SGCZ: variants seen among roughly 807,000 people sequenced by gnomAD.
The protein encoded by SGCZ is zeta-sarcoglycan.
In SGCZ, 40 loss-of-function variants were observed where a neutral mutation model predicts 41.3. The observed-to-expected ratio is 0.97, with a 90% CI of 0.75 to 1.26. The LOEUF (loss-of-function observed/expected upper bound fraction) is 1.26. SGCZ is among the 50% of genes most tolerant of loss of function. The pLI is 0.00. For synonymous variants in SGCZ, 206 were observed against 137.5 expected (o/e 1.50, Z -3.49); for missense variants, 552 against 369.8 (o/e 1.49, Z -4.04).
In SGCZ at chr8:15,045,838, C is replaced by A. The variant is rs75714138; in HGVS notation, c.39+191747G>T. Among the ~76,000 whole-genome samples, 625 of 152,154 alleles carry A rather than the reference C, an allele frequency of 4.1e-3. 3 individuals are homozygous for A. Among genetic ancestry groups the A allele is most frequent in the South Asian group, 0.012 (56 of 4,820 alleles). On this transcript the variant is annotated intron_variant, in intron 1 of 7. Coordinates refer to ENST00000382080, the MANE Select transcript of SGCZ (RefSeq NM_139167.4). The stretch of plus-strand genomic sequence containing the variant: ...GACACCATCCAATCAAACAGACTCT[C>A]ACTGGCTAAGGGGAAACAAAATTGG...
At chr8:14,701,946 A>G (rs999024053) in intron 1 of SGCZ, among the ~76,000 whole-genome samples, 1 of 151,758 alleles carries the variant, frequency 6.6e-6, no homozygotes, top group Admixed American at 6.6e-5. Flanking sequence ...CTTCATCCAC[A>G]TTTGCCCCCA....
In SGCZ at chr8:15,149,711, C is replaced by CAAAAAAAAAA. The variant is rs750167614; in HGVS notation, c.39+87864_39+87873dup. Among the ~76,000 whole-genome samples, 19 of 57,216 alleles carry CAAAAAAAAAA rather than the reference C, an allele frequency of 3.3e-4. 1 individual carries two copies. The highest frequency in any genetic ancestry group is 4.6e-4 in the Non-Finnish European group (11 of 23,860). 37.5% of individuals were successfully genotyped at this position (57,216 alleles called of 152,430 possible). On this transcript the variant is annotated intron_variant, in intron 1 of 7. Coordinates refer to ENST00000382080, the MANE Select transcript of SGCZ (RefSeq NM_139167.4). Reference sequence around the variant, plus strand: ...CGACTGCTGGTATAACTATAAACTACAAAAAAAAAAAAAAAAAAAAAGCCT... The same window carrying CAAAAAAAAAA: ...CGACTGCTGGTATAACTATAAACTACAAAAAAAAAAAAAAAAAAAAAAAAAAAAAAAGCCT...
chr8:14,516,732 C>G (rs1337280770), intron 2 of SGCZ, among the ~76,000 whole-genome samples: 1 of 152,032 alleles, frequency 6.6e-6, no homozygotes, highest in Non-Finnish European at 1.5e-5. Context: ...CGTCTTTCAT[C>G]ATTAGCTGCT....
intron 1 of SGCZ, among the ~76,000 whole-genome samples, chr8:14,649,891 C>T (rs1807342207): frequency 6.6e-6 from 1 of 151,928 alleles, no homozygotes. Context: ...CTAGAAATAG[C>T]TTGATGAGAA....
intron 1 of SGCZ, among the ~76,000 whole-genome samples, chr8:14,580,422 A>G (rs1804849893): frequency 6.6e-6 from 1 of 152,226 alleles, no homozygotes; most frequent in Non-Finnish European, 1.5e-5. Context: ...TTTAAAACAC[A>G]GTTAAATAGA....
chr8:14,173,899 A>G (rs1420529297), intron 4 of SGCZ, among the ~76,000 whole-genome samples: 1 of 152,144 alleles, frequency 6.6e-6, no homozygotes, highest in African/African-American at 2.4e-5. Context: ...TATATTTGAA[A>G]TATAAAAACA....
chr8:15,058,434 T>C (rs1433814747), intron 1 of SGCZ, among the ~76,000 whole-genome samples: 1 of 152,174 alleles, frequency 6.6e-6, no homozygotes, highest in Non-Finnish European at 1.5e-5. Context: ...AAGGTGAATA[T>C]ACTACTCCTC....
intron 3 of SGCZ, among the ~76,000 whole-genome samples, chr8:14,271,426 T>C (rs996777715): frequency 1.3e-5 from 2 of 152,178 alleles, no homozygotes; most frequent in African/African-American, 4.8e-5. Flanking sequence ...GACTTGTAGA[T>C]AGTTTCATAC....
At chr8:14,784,628 A>G (rs1328888051) in intron 1 of SGCZ, among the ~76,000 whole-genome samples, 3 of 151,732 alleles carry the variant, frequency 2.0e-5, no homozygotes, top group Non-Finnish European at 4.4e-5. Flanking sequence ...CTTTATTTAG[A>G]TCATGCTTGT....
chr8:14,231,322 G>T (rs1563200196), intron 4 of SGCZ, among the ~76,000 whole-genome samples: 1 of 151,728 alleles, frequency 6.6e-6, no homozygotes, highest in African/African-American at 2.4e-5. Flanking sequence ...TGGGCAGAGG[G>T]GCACTGGCCC....
intron 1 of SGCZ, among the ~76,000 whole-genome samples, chr8:14,942,276 A>T (rs963808900): frequency 2.0e-5 from 3 of 152,148 alleles, no homozygotes; most frequent in African/African-American, 7.2e-5. Flanking sequence ...CTCCTTAAAA[A>T]TATAATTTTA....
rs116371907 is a variant in SGCZ at position 14,089,335 on chromosome 8, T to C, written c.*1108A>G. Among the ~76,000 whole-genome samples, 3,840 of 152,064 alleles carry C rather than the reference T, an allele frequency of 0.025. 155 individuals are homozygous for C. Among genetic ancestry groups the C allele is most frequent in the African/African-American group, 0.087 (3,616 of 41,500 alleles). ...AGCATTTGTCATTTTTACTGTTTAGTCAAGAAATTTTAGTTAGCTTCTGAC... is the reference window on the plus strand; with the variant it reads ...AGCATTTGTCATTTTTACTGTTTAGCCAAGAAATTTTAGTTAGCTTCTGAC... On this transcript the variant is annotated 3_prime_UTR_variant, in exon 8 of 8. Coordinates refer to ENST00000382080, the MANE Select transcript of SGCZ (RefSeq NM_139167.4).
chr8:14,537,381 T>A (rs1047178908), intron 2 of SGCZ, among the ~76,000 whole-genome samples: 4 of 151,866 alleles, frequency 2.6e-5, no homozygotes, highest in Admixed American at 1.3e-4. Flanking sequence ...TATGTCAATG[T>A]GGGGACTCTC....
At chr8:15,184,612 G>A (rs1800279400) in intron 1 of SGCZ, among the ~76,000 whole-genome samples, 2 of 152,006 alleles carry the variant, frequency 1.3e-5, no homozygotes, top group South Asian at 4.2e-4. Context: ...TCAGGCAACG[G>A]GAGTCCCCAG....
At chr8:14,589,120 C>A (rs1805157883) in intron 1 of SGCZ, among the ~76,000 whole-genome samples, 1 of 152,060 alleles carries the variant, frequency 6.6e-6, no homozygotes, top group South Asian at 2.1e-4. Context: ...ACCAACATGG[C>A]ACATGTATAC....
intron 6 of SGCZ, among the ~76,000 whole-genome samples, chr8:14,107,906 G>C (rs1312431855): frequency 2.0e-5 from 3 of 152,158 alleles, no homozygotes; most frequent in Non-Finnish European, 4.4e-5. Context: ...GCCTCCCAAA[G>C]TGCTGGGGTT....
At chr8:15,207,627 G>T (rs932975005) in intron 1 of SGCZ, among the ~76,000 whole-genome samples, 1 of 152,170 alleles carries the variant, frequency 6.6e-6, no homozygotes, top group African/African-American at 2.4e-5. Flanking sequence ...GCAGGTGACA[G>T]CAGCAATCAC....
intron 3 of SGCZ, among the ~76,000 whole-genome samples, chr8:14,271,983 T>A (rs73664087): frequency 0.018 from 2,808 of 152,234 alleles, 90 homozygotes; most frequent in African/African-American, 0.063. Flanking sequence ...TATTGCATGC[T>A]TTCATTCACT....
chr8:14,146,718 A>C (rs970215592), intron 5 of SGCZ, among the ~76,000 whole-genome samples: 3 of 150,796 alleles, frequency 2.0e-5, no homozygotes, highest in African/African-American at 7.4e-5. Flanking sequence ...TAAAAATACA[A>C]AAAATTAGCC....
Sources: gnomAD v4.1 joint callset for allele counts (sites outside exome capture counted in the v4.1 genomes callset) on GRCh38, gnomAD v4.1.1 for gene constraint, MANE v1.5 for transcripts, NCBI Gene and HGNC (gene_info 2026-07-23, HGNC 2026-07-21) for gene names.